NCOA1: variants seen among roughly 807,000 people sequenced by gnomAD.
NCOA1 encodes Hin-2 protein.
A neutral mutation model predicts 150.9 loss-of-function variants in NCOA1; 35 were observed. The ratio of observed to expected loss-of-function variants is 0.23; its 90% CI spans 0.18 to 0.31. The LOEUF (loss-of-function observed/expected upper bound fraction) is 0.31. Ranked by LOEUF, NCOA1 falls within the 10% of genes least tolerant of loss-of-function variation. NCOA1 has a pLI of 1.00. For synonymous variants in NCOA1, 590 were observed against 630.0 expected (o/e 0.94, Z 0.95); for missense variants, 1,491 against 1,749.3 (o/e 0.85, Z 2.63).
intron 15 of NCOA1, among the ~76,000 whole-genome samples, chr2:24,727,787 C>T (rs545884404): frequency 1.3e-5 from 2 of 152,130 alleles, no homozygotes; most frequent in East Asian, 3.9e-4. Flanking sequence ...TTCATTTTTC[C>T]AGTTTGATTT....
At chr2:24,734,766 C>T (rs1663205086) in intron 17 of NCOA1, among the ~76,000 whole-genome samples, 1 of 151,966 alleles carries the variant, frequency 6.6e-6, no homozygotes, top group Admixed American at 6.6e-5. Context: ...GATTGTGCTA[C>T]TCACTCCAGC....
intron 11 of NCOA1, among the ~76,000 whole-genome samples, chr2:24,703,865 G>A (rs1477440968): frequency 6.6e-6 from 1 of 151,932 alleles, no homozygotes; most frequent in Admixed American, 6.6e-5. Flanking sequence ...TTGAAAAATT[G>A]GACTAACATT....
chr2:24,555,197 T>C (rs969625242), intron 1 of NCOA1, among the ~76,000 whole-genome samples: 3 of 152,226 alleles, frequency 2.0e-5, no homozygotes, highest in African/African-American at 7.2e-5. Flanking sequence ...TTTTCTAATT[T>C]TCCTTACTTT....
At chr2:24,594,280 C>A (rs1667795097) in intron 3 of NCOA1, among the ~76,000 whole-genome samples, 2 of 151,936 alleles carry the variant, frequency 1.3e-5, no homozygotes, top group African/African-American at 4.8e-5. Flanking sequence ...TCGTAACTTA[C>A]TGAAAAAAAC....
intron 20 of NCOA1, among the ~76,000 whole-genome samples, chr2:24,757,589 T>C (rs1393349084): frequency 1.3e-5 from 2 of 151,844 alleles, no homozygotes; most frequent in African/African-American, 2.4e-5. Context: ...TGAACATTTA[T>C]TGAAGATATA....
chr2:24,665,243 A>G (rs751374525), intron 5 of NCOA1, among the ~76,000 whole-genome samples: 28 of 152,116 alleles, frequency 1.8e-4, no homozygotes, highest in Non-Finnish European at 3.7e-4. Context: ...TTGAATGGAT[A>G]CTTTTTTGAT....
intron 1 of NCOA1, among the ~76,000 whole-genome samples, chr2:24,503,791 G>A (rs906325071): frequency 6.7e-6 from 1 of 149,112 alleles, no homozygotes; most frequent in Admixed American, 6.7e-5. Context: ...GCTGGATGTG[G>A]TGGTGTGATC....
rs1014782477 is a variant in NCOA1 at position 24,744,892 on chromosome 2, C to T, written c.3706+2706C>T. On this transcript the variant is annotated intron_variant, in intron 19 of 22. Transcript: ENST00000348332. ...AAACTGAAAACATGTATTATCTGGC[C>T]CTTTGCAGAAGAAGCTTGCTGATTT... Among the ~76,000 whole-genome samples the T allele has an allele frequency of 1.5e-4, 23 of 152,114 alleles. 1 individual carries two copies. The highest frequency in any genetic ancestry group is 2.9e-5 in the Non-Finnish European group (2 of 68,018).
intron 1 of NCOA1, among the ~76,000 whole-genome samples, chr2:24,493,337 G>A (rs1663060709): frequency 6.6e-6 from 1 of 152,234 alleles, no homozygotes; most frequent in South Asian, 2.1e-4. Context: ...GAGAGGGTCT[G>A]AGTTGGGAAT....
chr2:24,637,052 CTTTTT>C (rs908800843), intron 3 of NCOA1, among the ~76,000 whole-genome samples: 3 of 149,604 alleles, frequency 2.0e-5, no homozygotes, highest in African/African-American at 4.9e-5. Flanking sequence ...TTTATCATTT[CTTTTT>C]TTTTGAGATT....
chr2:24,577,679 T>C (rs1667046614), intron 2 of NCOA1, among the ~76,000 whole-genome samples: 1 of 152,224 alleles, frequency 6.6e-6, no homozygotes, highest in African/African-American at 2.4e-5. Flanking sequence ...TTTTGACAGA[T>C]TGATATCCAG....
chr2:24,563,101 T>C lies in NCOA1; in HGVS notation c.-395-1194T>C, dbSNP rs1666352777. Among the ~76,000 whole-genome samples the C allele has an allele frequency of 2.0e-5, 3 of 152,128 alleles. No individual in the cohort carries two copies. In the South Asian group the frequency reaches 6.2e-4, roughly 31 times the overall value. On this transcript the variant is annotated intron_variant, in intron 1 of 22. Coordinates refer to ENST00000348332, the MANE Select transcript of NCOA1 (RefSeq NM_003743.5). Reference sequence around the variant, plus strand: ...GGTCAGTGATGGTCAGTGATGAGAGTTGGCCAGTGAGTGGTCAGAGTTGGT... The same window carrying C: ...GGTCAGTGATGGTCAGTGATGAGAGCTGGCCAGTGAGTGGTCAGAGTTGGT...
In NCOA1 at chr2:24,768,905, T is replaced by A. The variant is rs902613250; in HGVS notation, c.*514T>A. On this transcript the variant is annotated 3_prime_UTR_variant, in exon 23 of 23. Coordinates refer to ENST00000348332, the MANE Select transcript of NCOA1 (RefSeq NM_003743.5). ...AGGCAGCTTGTGTGTACAATCAGCT[T>A]CTCTAGCAACTCTGTATCTGTTGGC... The A allele has an allele frequency of 4.5e-6, 1 of 220,646 alleles. No individual in the cohort carries two copies. The allele number at this position is 220,646 out of a possible 1,614,324, so 13.7% of individuals were successfully genotyped here.
chr2:24,535,301 T>C (rs1665084639), intron 1 of NCOA1, among the ~76,000 whole-genome samples: 1 of 152,166 alleles, frequency 6.6e-6, no homozygotes, highest in South Asian at 2.1e-4. Flanking sequence ...TCCATTTGCT[T>C]GGTAGATCTT....
intron 1 of NCOA1, among the ~76,000 whole-genome samples, chr2:24,512,074 A>G (rs1663957733): frequency 6.6e-6 from 1 of 152,084 alleles, no homozygotes; most frequent in South Asian, 2.1e-4. Flanking sequence ...AACTGTACTA[A>G]CTTTTGCACT....
chr2:24,545,299 G>T lies in NCOA1; in HGVS notation c.-395-18996G>T, dbSNP rs115661251. 8.0e-4 allele frequency among the ~76,000 whole-genome samples: 122 copies of T among 152,266 alleles called. No homozygotes were observed. In the East Asian group the frequency reaches 0.016, roughly 20 times the overall value. ...TATGCAAAATGCAAAAGGACAGGGG[G>T]TTGGTAAAGGGATACAGGAGCCAAC... On this transcript the variant is annotated intron_variant, in intron 1 of 22. Transcript: ENST00000348332.
intron 1 of NCOA1, among the ~76,000 whole-genome samples, chr2:24,515,474 C>T (rs1327601092): frequency 2.0e-5 from 3 of 152,138 alleles, no homozygotes; most frequent in African/African-American, 4.8e-5. Flanking sequence ...TGGGCTCAAG[C>T]AGTCCTCCTG....
intron 3 of NCOA1, among the ~76,000 whole-genome samples, chr2:24,602,297 C>T (rs1668157606): frequency 6.6e-6 from 1 of 152,162 alleles, no homozygotes; most frequent in Non-Finnish European, 1.5e-5. Context: ...ACCTCCCAGG[C>T]CCAAGCAGTT....
chr2:24,755,231 G>T (rs1180798594), intron 20 of NCOA1, among the ~76,000 whole-genome samples: 1 of 152,244 alleles, frequency 6.6e-6, no homozygotes, highest in Non-Finnish European at 1.5e-5. Context: ...AGAGTTCAGA[G>T]GTAGTGTAAC....
Sources: gnomAD v4.1 joint callset for allele counts (sites outside exome capture counted in the v4.1 genomes callset) on GRCh38, gnomAD v4.1.1 for gene constraint, MANE v1.5 for transcripts, NCBI Gene and HGNC (gene_info 2026-07-23, HGNC 2026-07-21) for gene names.